The following MAGI2 variants were observed in gnomAD, a reference collection of about 807,000 sequenced individuals.
MAGI2 encodes the protein membrane associated guanylate kinase, WW and PDZ domain containing 2.
Under a neutral mutation model 133.3 loss-of-function variants are expected in MAGI2, and 35 were observed. The observed-to-expected ratio is 0.26, with a 90% CI of 0.20 to 0.35. MAGI2 has a LOEUF of 0.35. Ranked by LOEUF, MAGI2 falls within the 10% of genes least tolerant of loss-of-function variation. MAGI2 has a pLI of 1.00. For missense variants in MAGI2, 1,636 were observed against 1,863.4 expected (o/e 0.88, Z 2.25); for synonymous variants, 729 against 710.6 (o/e 1.03, Z -0.41).
chr7:78,128,517 G>T (rs1175260470), intron 18 of MAGI2, among the ~76,000 whole-genome samples: 1 of 151,756 alleles, frequency 6.6e-6, no homozygotes, highest in Non-Finnish European at 1.5e-5. Context: ...GCTCAAATGT[G>T]TCAGGAAAAC....
chr7:78,059,492 G>A (rs960007691), intron 21 of MAGI2, among the ~76,000 whole-genome samples: 6 of 152,182 alleles, frequency 3.9e-5, no homozygotes, highest in South Asian at 2.1e-4. Context: ...TATCATTTGC[G>A]TGTCAGCTTC....
At chr7:78,537,692 G>GT (rs1226305407) in intron 3 of MAGI2, among the ~76,000 whole-genome samples, 2 of 151,920 alleles carry the variant, frequency 1.3e-5, no homozygotes, top group Non-Finnish European at 2.9e-5. Flanking sequence ...GGGATTATTT[G>GT]TTTTTTTCTT....
At chr7:78,384,177 G>A (rs995086214) in intron 6 of MAGI2, among the ~76,000 whole-genome samples, 1 of 151,950 alleles carries the variant, frequency 6.6e-6, no homozygotes, top group Admixed American at 6.6e-5. Flanking sequence ...CTGTAGATTG[G>A]TTTGGACAAT....
At chr7:78,349,837 T>G (rs751660914) in intron 7 of MAGI2, among the ~76,000 whole-genome samples, 8 of 152,186 alleles carry the variant, frequency 5.3e-5, no homozygotes, top group Non-Finnish European at 1.2e-4. Flanking sequence ...AAATGAATAG[T>G]TTCAAGTTCT....
chr7:78,785,492 T>C (rs1244353086), intron 2 of MAGI2, among the ~76,000 whole-genome samples: 1 of 152,210 alleles, frequency 6.6e-6, no homozygotes, highest in East Asian at 1.9e-4. Flanking sequence ...ATGTCAGAGG[T>C]GCTGCCTTTG....
chr7:79,434,142 G>A (rs1269549815), intron 1 of MAGI2, among the ~76,000 whole-genome samples: 4 of 151,020 alleles, frequency 2.6e-5, no homozygotes, highest in African/African-American at 4.9e-5. Context: ...GCCAATTGAA[G>A]TCTCCCAATA....
intron 1 of MAGI2, among the ~76,000 whole-genome samples, chr7:79,270,985 T>G (rs894212953): frequency 1.3e-5 from 2 of 152,102 alleles, no homozygotes; most frequent in Non-Finnish European, 2.9e-5. Context: ...CATCCTTTTC[T>G]AACTCCCCTA....
intron 21 of MAGI2, among the ~76,000 whole-genome samples, chr7:78,056,237 C>T (rs1191248044): frequency 2.0e-5 from 3 of 152,134 alleles, no homozygotes; most frequent in African/African-American, 7.2e-5. Flanking sequence ...CATGTTGTAG[C>T]AGATGACAGG....
At chr7:78,428,404 T>C (rs754281761) in intron 6 of MAGI2, among the ~76,000 whole-genome samples, 1 of 152,234 alleles carries the variant, frequency 6.6e-6, no homozygotes, top group Non-Finnish European at 1.5e-5. Flanking sequence ...TTGCTTATCC[T>C]TGTTCCAGTG....
intron 1 of MAGI2, among the ~76,000 whole-genome samples, chr7:79,375,128 T>A (rs1843297754): frequency 6.6e-6 from 1 of 152,016 alleles, no homozygotes; most frequent in South Asian, 2.1e-4. Context: ...AACTAACTTT[T>A]GAATAGTTGA....
At chr7:79,126,702 T>TA (rs1285492839) in intron 1 of MAGI2, among the ~76,000 whole-genome samples, 1 of 152,106 alleles carries the variant, frequency 6.6e-6, no homozygotes, top group Non-Finnish European at 1.5e-5. Flanking sequence ...AAAATGTTCT[T>TA]ATCTTTCTCA....
chr7:79,130,029 G>T (rs1360580802), intron 1 of MAGI2, among the ~76,000 whole-genome samples: 1 of 152,036 alleles, frequency 6.6e-6, no homozygotes, highest in Non-Finnish European at 1.5e-5. Flanking sequence ...GGCTAGGCAT[G>T]GTGGCTCACA....
chr7:79,319,741 T>C (rs749058356), intron 1 of MAGI2, among the ~76,000 whole-genome samples: 6 of 152,162 alleles, frequency 3.9e-5, no homozygotes, highest in Non-Finnish European at 8.8e-5. Context: ...AAAACTAATT[T>C]TATTTTGCTC....
chr7:79,325,579 A>C (rs951005338), intron 1 of MAGI2, among the ~76,000 whole-genome samples: 2 of 152,160 alleles, frequency 1.3e-5, no homozygotes, highest in South Asian at 2.1e-4. Flanking sequence ...TCCATATTCT[A>C]AGGGGAGAAA....
intron 1 of MAGI2, among the ~76,000 whole-genome samples, chr7:79,026,616 G>C (rs1211113658): frequency 6.6e-6 from 1 of 152,120 alleles, no homozygotes; most frequent in East Asian, 1.9e-4. Flanking sequence ...GCTCATGTCT[G>C]TAATCCAGCA....
chr7:79,027,790 A>G (rs921747364), intron 1 of MAGI2, among the ~76,000 whole-genome samples: 1 of 152,144 alleles, frequency 6.6e-6, no homozygotes, highest in Non-Finnish European at 1.5e-5. Context: ...CTATAAATGT[A>G]TAGAATTATA....
intron 2 of MAGI2, among the ~76,000 whole-genome samples, chr7:78,850,712 G>A (rs1793058533): frequency 6.6e-6 from 1 of 152,012 alleles, no homozygotes; most frequent in Admixed American, 6.6e-5. Context: ...TGCTTTGAGG[G>A]AGTCCCTGTC....
chr7:79,025,551 G>A (rs544646984), intron 1 of MAGI2, among the ~76,000 whole-genome samples: 6 of 152,246 alleles, frequency 3.9e-5, no homozygotes, highest in Admixed American at 1.3e-4. Flanking sequence ...ATGCATGCAT[G>A]GGTACATATT....
At chr7:79,039,113 C>T (rs945535374) in intron 1 of MAGI2, among the ~76,000 whole-genome samples, 2 of 152,102 alleles carry the variant, frequency 1.3e-5, no homozygotes, top group Non-Finnish European at 2.9e-5. Context: ...GATCATGGGG[C>T]TGGTTCCCCC....
Sources: allele counts gnomAD v4.1 joint callset (sites outside exome capture counted in the v4.1 genomes callset), GRCh38; gene constraint gnomAD v4.1.1; transcripts MANE v1.5; gene names NCBI Gene and HGNC (gene_info 2026-07-23, HGNC 2026-07-21).